Variants in ELMO1 observed in about 807,000 individuals in gnomAD.
ELMO1 encodes engulfment and cell motility protein 1.
A neutral mutation model predicts 98.9 loss-of-function variants in ELMO1; 26 were observed. The observed-to-expected ratio is 0.26, with a 90% CI of 0.19 to 0.36. The LOEUF is 0.36. Among genes scored for constraint, ELMO1 ranks in the 10% least tolerant of loss-of-function variants. The pLI is 1.00. For missense variants in ELMO1, 627 were observed against 935.2 expected, an observed-to-expected ratio of 0.67 and a Z score of 4.30; for synonymous variants, 346 against 346.0, an observed-to-expected ratio of 1.00 and a Z score of 0.00.
At chr7:37,010,812 G>A (rs945589909) in intron 16 of ELMO1, among the ~76,000 whole-genome samples, 13 of 152,172 alleles carry the variant, frequency 8.5e-5, no homozygotes, top group Non-Finnish European at 1.8e-4. Context: ...TGACAAAAAT[G>A]TAAATACCTG....
At position 37,186,619 on chromosome 7, in the gene ELMO1, T is replaced by C. The variant is rs192120437; in HGVS notation, c.1086+24767A>G. On this transcript the variant is annotated intron_variant, in intron 13 of 21. Coordinates refer to ENST00000310758, the MANE Select transcript of ELMO1 (RefSeq NM_014800.11). The stretch of plus-strand genomic sequence containing the variant: ...CTATTACAACTCAATGATTAAAAGA[T>C]GAACAGCCCAATTAACAAACAAGCA... Among the ~76,000 whole-genome samples the C allele has an allele frequency of 2.6e-5, 4 of 152,292 alleles. No individual in the cohort carries two copies. In the East Asian group the frequency reaches 5.8e-4, roughly 22 times the overall value.
Position 37,089,090 on chromosome 7 carries a change from C to G in ELMO1, c.1300+7529G>C, listed in dbSNP as rs1559463. ...ATGTATTCCCCAAGAATGAAAGTGA[C>G]GGATGGTACTTCTCAAGGTACAAAA... On this transcript the variant is annotated intron_variant, in intron 15 of 21. Coordinates refer to ENST00000310758, the MANE Select transcript of ELMO1 (RefSeq NM_014800.11). Among the ~76,000 whole-genome samples the G allele has an allele frequency of 2.6e-4, 39 of 152,100 alleles. No individual in the cohort carries two copies. In the East Asian group the frequency reaches 3.3e-3, roughly 13 times the overall value.
intron 4 of ELMO1, among the ~76,000 whole-genome samples, chr7:37,280,391 G>A (rs1200116607): frequency 1.3e-5 from 2 of 151,998 alleles, no homozygotes; most frequent in East Asian, 1.9e-4. Flanking sequence ...ACAGCAAAGG[G>A]AACAGTCAGC....
chr7:37,057,541 T>C (rs1404852203), intron 15 of ELMO1, among the ~76,000 whole-genome samples: 1 of 152,224 alleles, frequency 6.6e-6, no homozygotes, highest in East Asian at 1.9e-4. Flanking sequence ...GCTTTGTTCT[T>C]TACAAGGCCT....
At chr7:37,174,155 A>G (rs1386335887) in intron 13 of ELMO1, among the ~76,000 whole-genome samples, 1 of 152,116 alleles carries the variant, frequency 6.6e-6, no homozygotes, top group Non-Finnish European at 1.5e-5. Flanking sequence ...TATTTTACAC[A>G]TCTCAAGCAA....
intron 16 of ELMO1, among the ~76,000 whole-genome samples, chr7:36,898,596 T>C (rs80174698): frequency 6.6e-6 from 1 of 152,194 alleles, no homozygotes; most frequent in East Asian, 1.9e-4. Flanking sequence ...TCAAGCATTC[T>C]GGCAAAGTCC....
At chr7:37,421,801 C>T (rs553972056) in intron 1 of ELMO1, among the ~76,000 whole-genome samples, 48 of 152,298 alleles carry the variant, frequency 3.2e-4, no homozygotes, top group African/African-American at 1.2e-3. Flanking sequence ...TAGACTTCGG[C>T]AGAAGAGGGC....
intron 4 of ELMO1, among the ~76,000 whole-genome samples, chr7:37,277,475 G>A (rs1012519606): frequency 6.6e-6 from 1 of 152,218 alleles, no homozygotes; most frequent in Admixed American, 6.5e-5. Flanking sequence ...TAGAGCTGGA[G>A]ATGCAGGAAG....
intron 16 of ELMO1, among the ~76,000 whole-genome samples, chr7:37,001,388 A>C (rs185046472): frequency 6.6e-6 from 1 of 152,340 alleles, no homozygotes; most frequent in East Asian, 1.9e-4. Flanking sequence ...TAATTAATTC[A>C]ACACTCAACA....
At chr7:37,408,232 C>T (rs1253841430) in intron 1 of ELMO1, among the ~76,000 whole-genome samples, 2 of 152,214 alleles carry the variant, frequency 1.3e-5, no homozygotes, top group Admixed American at 6.5e-5. Flanking sequence ...AGGTTTAATT[C>T]TAATCACAAC....
chr7:36,872,310 T>C (rs1803589787), intron 19 of ELMO1, among the ~76,000 whole-genome samples: 1 of 152,052 alleles, frequency 6.6e-6, no homozygotes, highest in Non-Finnish European at 1.5e-5. Flanking sequence ...ATTCCTAGGG[T>C]TGGAAATAAA....
At chr7:37,123,773 C>T (rs1034541412) in intron 14 of ELMO1, among the ~76,000 whole-genome samples, 14 of 152,178 alleles carry the variant, frequency 9.2e-5, no homozygotes, top group Non-Finnish European at 1.2e-4. Flanking sequence ...GGGAATCCTC[C>T]CTATCTCATT....
At chr7:37,308,430 T>C (rs1011699387) in intron 4 of ELMO1, among the ~76,000 whole-genome samples, 8 of 152,336 alleles carry the variant, frequency 5.3e-5, no homozygotes, top group African/African-American at 1.9e-4. Flanking sequence ...ACTATTTCTC[T>C]GCACACCATC....
intron 10 of ELMO1, among the ~76,000 whole-genome samples, chr7:37,216,952 T>C (rs530491532): frequency 6.6e-6 from 1 of 152,318 alleles, no homozygotes; most frequent in African/African-American, 2.4e-5. Context: ...ATTTCTTCCT[T>C]CCAGAAAAAG....
At chr7:36,916,948 G>A (rs1784734503) in intron 16 of ELMO1, among the ~76,000 whole-genome samples, 1 of 152,208 alleles carries the variant, frequency 6.6e-6, no homozygotes. Flanking sequence ...GGCCAAAGCT[G>A]TAATTTCAAC....
In ELMO1 at chr7:36,855,495, TCTC is replaced by T; in HGVS notation, c.*53_*55del. The T allele has an allele frequency of 6.2e-7, 1 of 1,607,178 alleles. No homozygotes were observed. The highest frequency in any genetic ancestry group is 1.1e-5 in the South Asian group (1 of 90,812). Reference sequence around the variant, plus strand: ...AGGCGTGGGTGTGTTTTCATTCCTCTCTCCTGTTAGCTAGGTGTTCCAGTTTTG... The same window carrying T: ...AGGCGTGGGTGTGTTTTCATTCCTCTCTGTTAGCTAGGTGTTCCAGTTTTG... On this transcript the variant is annotated 3_prime_UTR_variant, in exon 22 of 22. Transcript: ENST00000310758. The surrounding 1 kb of genome is among the most constrained non-coding windows in gnomAD (Gnocchi z 4.2).
chr7:37,122,382 C>G (rs1167603030), intron 14 of ELMO1, among the ~76,000 whole-genome samples: 5 of 152,128 alleles, frequency 3.3e-5, no homozygotes, highest in Non-Finnish European at 7.4e-5. Flanking sequence ...GTGCTGTATT[C>G]AGGAAACCCA....
chr7:36,865,428 C>A (rs1802963119), intron 20 of ELMO1, among the ~76,000 whole-genome samples: 1 of 152,214 alleles, frequency 6.6e-6, no homozygotes, highest in African/African-American at 2.4e-5. Flanking sequence ...ACAGAGATTA[C>A]CTTCTTCAGG....
At chr7:37,210,245 T>G (rs1792877956) in intron 13 of ELMO1, among the ~76,000 whole-genome samples, 1 of 152,194 alleles carries the variant, frequency 6.6e-6, no homozygotes, top group South Asian at 2.1e-4. Flanking sequence ...GCATACATTC[T>G]GGGCTGTAAG....
Sources: gnomAD v4.1 joint callset for allele counts (sites outside exome capture counted in the v4.1 genomes callset) on GRCh38, gnomAD v4.1.1 for gene constraint, Gnocchi (gnomAD v3.1) non-coding constraint, MANE v1.5 for transcripts, NCBI Gene and HGNC (gene_info 2026-07-23, HGNC 2026-07-21) for gene names.